The following EI24 variants were observed in gnomAD, a reference collection of about 807,000 sequenced individuals.
EI24 encodes the protein EI24 autophagy associated transmembrane protein.
Under a neutral mutation model 48.6 loss-of-function variants are expected in EI24, and 21 were observed. The observed-to-expected ratio is 0.43, with a 90% confidence interval of 0.31 to 0.62. EI24 has a LOEUF of 0.62. EI24 is among the 20% of genes least tolerant of loss of function. The pLI, the probability that EI24 is intolerant of heterozygous loss-of-function variation, is 0.10. For missense variants in EI24, 280 were observed against 410.5 expected, an observed-to-expected ratio of 0.68 and a Z score of 2.75; for synonymous variants, 114 against 145.5, an observed-to-expected ratio of 0.78 and a Z score of 1.56.
At chr11:125,582,264 A>T in intron 9 of EI24, 82 bp from the exon 10 acceptor site, 1 of 1,273,856 alleles carries the variant, frequency 7.9e-7, no homozygotes, top group Non-Finnish European at 1.1e-6. Context: ...GAAGCAAAAG[A>T]ACTTGGAGCT....
intron 1 of EI24, 67 bp downstream of exon 1, chr11:125,569,640 C>G (rs1441567972): frequency 2.9e-6 from 1 of 340,622 alleles, no homozygotes; most frequent in East Asian, 4.3e-5. Flanking sequence ...TGGCAGGGAC[C>G]GGGAGGGCAG....
At chr11:125,570,876 C>T (rs955552623) in intron 1 of EI24, among the ~76,000 whole-genome samples, 9 of 152,166 alleles carry the variant, frequency 5.9e-5, no homozygotes, top group Non-Finnish European at 1.0e-4. Context: ...AGCTCAGCTG[C>T]CCTCACCTCA....
chr11:125,581,429 C>T, intron 9 of EI24, 107 bp downstream of exon 9: 1 of 588,658 alleles, frequency 1.7e-6, no homozygotes, highest in Non-Finnish European at 2.9e-6. Context: ...CATCATTTGT[C>T]CATCAGGAGA....
chr11:125,583,931 T>C lies in EI24; in HGVS notation c.*248T>C. On this transcript the variant is annotated 3_prime_UTR_variant, in exon 11 of 11. Transcript: ENST00000278903. ...AGGACCACAGGTTTTTCTGCAGCTATTTTCTAGCATTTGCCAGTCCCTGTG... is the reference window on the plus strand; with the variant it reads ...AGGACCACAGGTTTTTCTGCAGCTACTTTCTAGCATTTGCCAGTCCCTGTG... 1 of 514,990 alleles carries C rather than the reference T, an allele frequency of 1.9e-6. No individual in the cohort carries two copies. Among genetic ancestry groups the C allele is most frequent in the Non-Finnish European group, 3.5e-6 (1 of 284,898 alleles). The allele number at this position is 514,990 out of a possible 1,614,324, so 31.9% of individuals were successfully genotyped here. A position where few individuals can be genotyped will look rare whatever the true frequency, so the allele number is the denominator to read the frequency against.
At chr11:125,573,422 GTTCT>G (rs946275961) in intron 2 of EI24, 1 of 194,310 alleles carries the variant, frequency 5.1e-6, no homozygotes, top group African/African-American at 2.3e-5. Flanking sequence ...GAGTGGGGAG[GTTCT>G]TTCTTTAGTG....
At chr11:125,575,224 C>A in intron 2 of EI24, 39 bp from the exon 3 acceptor site, 1 of 1,493,944 alleles carries the variant, frequency 6.7e-7, no homozygotes, top group Non-Finnish European at 9.0e-7. Flanking sequence ...AAGACCCTGT[C>A]TCAAATAATA....
chr11:125,575,165 T>C, intron 2 of EI24, 98 bp from the exon 3 acceptor site: 1 of 1,124,812 alleles, frequency 8.9e-7, no homozygotes, highest in Non-Finnish European at 1.2e-6. Context: ...AGTTGGAGGC[T>C]GCAGTGAGCT....
intron 2 of EI24, among the ~76,000 whole-genome samples, chr11:125,573,038 CT>C (rs140550669): frequency 0.031 from 4,685 of 149,152 alleles, 91 homozygotes; most frequent in Non-Finnish European, 0.047. Flanking sequence ...GAGAACCTAT[CT>C]TTTTTTTTTC....
chr11:125,570,308 G>C (rs370996330), intron 1 of EI24: 1 of 152,196 alleles, frequency 6.6e-6, no homozygotes, highest in South Asian at 2.1e-4. Context: ...TGAGCCAGAT[G>C]CATCTTCATC....
Position 125,583,161 on chromosome 11 carries a change from C to T in EI24, c.861-360C>T, listed in dbSNP as rs142034754. Among the ~76,000 whole-genome samples, 861 of 152,068 alleles carry T rather than the reference C, an allele frequency of 5.7e-3. 10 individuals are homozygous for T. The highest frequency in any genetic ancestry group is 0.02 in the African/African-American group (821 of 41,484). On this transcript the variant is annotated intron_variant, in intron 10 of 10. Coordinates refer to ENST00000278903, the MANE Select transcript of EI24 (RefSeq NM_004879.5). ...TGTCACCCAAGCTGGAGTGCAGTGG[C>T]GTGATCTCGGCTCACTGCAACCTCC...
chr11:125,581,549 T>TC (rs1161515642), intron 9 of EI24, among the ~76,000 whole-genome samples: 2 of 119,064 alleles, frequency 1.7e-5, no homozygotes, highest in African/African-American at 6.5e-5. Context: ...TTTTTTTTTT[T>TC]TTTTTTTTTT....
intron 10 of EI24, among the ~76,000 whole-genome samples, 182 bp from the exon 11 acceptor site, chr11:125,583,339 C>T (rs888375120): frequency 1.1e-4 from 17 of 152,180 alleles, no homozygotes; most frequent in African/African-American, 3.6e-4. Context: ...GCACCACGCC[C>T]GGCTCCAATG....
At position 125,573,559 on chromosome 11, in the gene EI24, T is replaced by C. The variant is rs1210937729; in HGVS notation, c.42+990T>C. The stretch of plus-strand genomic sequence containing the variant: ...GGGAGTATGAAGCAGTAGTGAACTA[T>C]GATGGTACCAGTGCACTATAGCAGG... On this transcript the variant is annotated intron_variant, in intron 2 of 10. Coordinates refer to ENST00000278903, the MANE Select transcript of EI24 (RefSeq NM_004879.5). 2.0e-5 allele frequency: 7 copies of C among 343,100 alleles called. No individual in the cohort carries two copies. The East Asian group carries it at 5.1e-4, about 25-fold the overall frequency. 21.3% of individuals were successfully genotyped at this position (343,100 alleles called of 1,614,324 possible).
chr11:125,579,529 G>C (rs1425777451), intron 7 of EI24, among the ~76,000 whole-genome samples: 3 of 152,018 alleles, frequency 2.0e-5, no homozygotes, highest in African/African-American at 7.2e-5. Flanking sequence ...AGCTGCGCGT[G>C]GTGGCAACAT....
At chr11:125,570,719 G>T (rs553061702) in intron 1 of EI24, among the ~76,000 whole-genome samples, 2 of 152,246 alleles carry the variant, frequency 1.3e-5, no homozygotes, top group East Asian at 3.9e-4. Context: ...TTTTTTTCAT[G>T]CTGTTGTGCC....
rs368076474 is a variant in EI24, at chr11:125,583,650, G to A, written c.990G>A (p.Ser330=). 3.2e-5 allele frequency: 51 copies of A among 1,613,026 alleles called. No individual in the cohort carries two copies. The highest frequency in any genetic ancestry group is 4.2e-5 in the Non-Finnish European group (50 of 1,179,618). The change falls in exon 11 of 11, where the codon TCG becomes TCA. Residue 330 remains serine, a synonymous_variant. Coordinates refer to ENST00000278903, the MANE Select transcript of EI24 (RefSeq NM_004879.5). ...SAEKFPSPHP[S]PAKLKATAGH ...AGAAGTTCCCTTCACCGCATCCGTC[G>A]CCTGCCAAACTGAAGGCTACTGCAG... is the stretch of plus-strand genomic sequence containing the variant.
chr11:125,570,766 C>T (rs1190180728), intron 1 of EI24, among the ~76,000 whole-genome samples: 1 of 152,098 alleles, frequency 6.6e-6, no homozygotes, highest in Non-Finnish European at 1.5e-5. Context: ...AAGTTTAGTA[C>T]CCTTAATTTA....
At chr11:125,570,953 G>C (rs928454659) in intron 1 of EI24, among the ~76,000 whole-genome samples, 1 of 152,146 alleles carries the variant, frequency 6.6e-6, no homozygotes, top group African/African-American at 2.4e-5. Flanking sequence ...GTTTTCAGGA[G>C]GAAACAGTGG....
chr11:125,577,678 T>G, intron 5 of EI24, 108 bp downstream of exon 5: 1 of 954,916 alleles, frequency 1.0e-6, no homozygotes, highest in South Asian at 1.7e-5. Flanking sequence ...TTTCACTGTT[T>G]ATTTTCTTTT....
Sources: allele counts gnomAD v4.1 joint callset (sites outside exome capture counted in the v4.1 genomes callset), GRCh38; gene constraint gnomAD v4.1.1; transcripts MANE v1.5; gene names NCBI Gene and HGNC (gene_info 2026-07-23, HGNC 2026-07-21).